Variants in GRM7 observed in about 807,000 individuals in gnomAD.
GRM7 encodes the protein glutamate metabotropic receptor 7.
Under a neutral mutation model 84.5 loss-of-function variants are expected in GRM7, and 35 were observed. The ratio of observed to expected loss-of-function variants is 0.41; its 90% CI spans 0.32 to 0.55. The LOEUF (loss-of-function observed/expected upper bound fraction) is 0.55. Among genes scored for constraint, GRM7 ranks in the 20% least tolerant of loss-of-function variants. The pLI is 0.19. For missense variants in GRM7, 1,003 were observed against 1,194.6 expected (o/e 0.84, Z 2.36); for synonymous variants, 487 against 455.1 (o/e 1.07, Z -0.89).
chr3:6,994,944 A>C (rs1308549459), intron 1 of GRM7, among the ~76,000 whole-genome samples: 1 of 152,172 alleles, frequency 6.6e-6, no homozygotes, highest in African/African-American at 2.4e-5. Flanking sequence ...CTACACTTTC[A>C]CATCATAGGT....
intron 1 of GRM7, among the ~76,000 whole-genome samples, chr3:7,079,933 G>A (rs1291866129): frequency 6.6e-6 from 1 of 152,064 alleles, no homozygotes; most frequent in East Asian, 1.9e-4. Flanking sequence ...TTTCTAGCTG[G>A]AAATTCTGAT....
In GRM7 at chr3:7,296,895, C is replaced by G. The variant is rs1699834951; in HGVS notation, c.737-1789C>G. 2.0e-5 allele frequency among the ~76,000 whole-genome samples: 3 copies of G among 151,278 alleles called. No individual in the cohort carries two copies. In the South Asian group the frequency reaches 6.2e-4, roughly 31 times the overall value. Reference sequence around the variant, plus strand: ...AACTCGTGGGCTTAAGTGACTCTCCCTCCTCAGTCTCTTGAGTAATGGATC... The same window carrying G: ...AACTCGTGGGCTTAAGTGACTCTCCGTCCTCAGTCTCTTGAGTAATGGATC... On this transcript the variant is annotated intron_variant, in intron 2 of 9. Coordinates refer to ENST00000357716, the MANE Select transcript of GRM7 (RefSeq NM_000844.4).
intron 8 of GRM7, among the ~76,000 whole-genome samples, chr3:7,595,369 AT>A (rs771319982): frequency 6.6e-6 from 1 of 152,154 alleles, no homozygotes; most frequent in Non-Finnish European, 1.5e-5. Context: ...AGCAAACATA[AT>A]TGGTTAAACT....
chr3:7,439,605 A>G (rs373066708), intron 5 of GRM7, among the ~76,000 whole-genome samples: 1 of 152,326 alleles, frequency 6.6e-6, no homozygotes, highest in African/African-American at 2.4e-5. Context: ...CAAGACATAC[A>G]GGGGTTAGGA....
chr3:7,468,297 C>T (rs779714), intron 7 of GRM7, among the ~76,000 whole-genome samples: 124,804 of 152,156 alleles, frequency 0.82, 51,360 homozygotes, highest in East Asian at 0.91. Flanking sequence ...AACCACCTTT[C>T]TGCCCATCAT....
intron 7 of GRM7, among the ~76,000 whole-genome samples, chr3:7,566,103 G>GTTTTTTTTTTGTTTTTT (rs1694246455): frequency 7.7e-6 from 1 of 129,986 alleles, no homozygotes; most frequent in African/African-American, 3.0e-5. Flanking sequence ...TGAATCAGCT[G>GTTTTTTTTTTGTTTTTT]TTTTTTTTTT....
chr3:7,030,345 G>A (rs1261234420), intron 1 of GRM7, among the ~76,000 whole-genome samples: 2 of 152,148 alleles, frequency 1.3e-5, no homozygotes, highest in Non-Finnish European at 1.5e-5. Context: ...TGGGTTGTGA[G>A]TATTCCAAAG....
At chr3:7,272,833 G>A (rs1234193973) in intron 2 of GRM7, among the ~76,000 whole-genome samples, 1 of 151,206 alleles carries the variant, frequency 6.6e-6, no homozygotes, top group Non-Finnish European at 1.5e-5. Context: ...GCAATGATAT[G>A]TTTTCAATTT....
At chr3:7,195,194 T>C (rs1342316566) in intron 2 of GRM7, among the ~76,000 whole-genome samples, 2 of 152,154 alleles carry the variant, frequency 1.3e-5, no homozygotes, top group East Asian at 1.9e-4. Context: ...AGGCATTGCA[T>C]AGTGAGAAAA....
intron 1 of GRM7, among the ~76,000 whole-genome samples, chr3:6,875,223 CTT>C (rs542219614): frequency 2.1e-5 from 3 of 143,534 alleles, no homozygotes; most frequent in African/African-American, 2.6e-5. Flanking sequence ...TGGTTCTGCA[CTT>C]TTTTTTTTTT....
chr3:7,407,859 A>G (rs73810615), intron 4 of GRM7, among the ~76,000 whole-genome samples: 6,613 of 152,232 alleles, frequency 0.043, 467 homozygotes, highest in African/African-American at 0.14. Flanking sequence ...GTTAAAGTAC[A>G]AAGTTTCTTA....
chr3:7,019,413 C>T (rs1431670136), intron 1 of GRM7, among the ~76,000 whole-genome samples: 1 of 152,152 alleles, frequency 6.6e-6, no homozygotes, highest in Non-Finnish European at 1.5e-5. Context: ...AGAGTATTTT[C>T]ACTGCTATAA....
At chr3:7,543,216 G>A (rs535251734) in intron 7 of GRM7, among the ~76,000 whole-genome samples, 2 of 152,256 alleles carry the variant, frequency 1.3e-5, no homozygotes, top group South Asian at 4.1e-4. Flanking sequence ...ACCACTTACT[G>A]TGTGCCTACT....
intron 2 of GRM7, among the ~76,000 whole-genome samples, chr3:7,258,341 T>A (rs961471453): frequency 2.0e-5 from 3 of 151,968 alleles, no homozygotes; most frequent in African/African-American, 7.3e-5. Flanking sequence ...GAATGGGTGA[T>A]CAAGTTGAGA....
At chr3:7,202,644 T>C (rs2125115004) in intron 2 of GRM7, among the ~76,000 whole-genome samples, 1 of 152,286 alleles carries the variant, frequency 6.6e-6, no homozygotes, top group Non-Finnish European at 1.5e-5. Flanking sequence ...ACAAAATCTT[T>C]AAAAACAAAT....
chr3:6,864,374 C>T (rs562205765), intron 1 of GRM7, among the ~76,000 whole-genome samples: 2 of 152,178 alleles, frequency 1.3e-5, no homozygotes, highest in South Asian at 4.1e-4. Context: ...GCCCTTTTTG[C>T]GTGTGATCTT....
chr3:7,273,527 T>G (rs1246691101), intron 2 of GRM7, among the ~76,000 whole-genome samples: 1 of 152,108 alleles, frequency 6.6e-6, no homozygotes, highest in South Asian at 2.1e-4. Flanking sequence ...TCACATAGAT[T>G]GATACTCTGT....
At chr3:7,675,962 CAG>C (rs997667310) in intron 8 of GRM7, among the ~76,000 whole-genome samples, 1 of 151,912 alleles carries the variant, frequency 6.6e-6, no homozygotes, top group Non-Finnish European at 1.5e-5. Context: ...AACTGAAAGA[CAG>C]AGAGAATAGT....
chr3:7,262,446 A>G (rs768376952), intron 2 of GRM7, among the ~76,000 whole-genome samples: 2 of 152,112 alleles, frequency 1.3e-5, no homozygotes, highest in Non-Finnish European at 2.9e-5. Flanking sequence ...TTTCAGCTCT[A>G]TCAGGTCAGT....
Sources: allele counts gnomAD v4.1 joint callset (sites outside exome capture counted in the v4.1 genomes callset), GRCh38; gene constraint gnomAD v4.1.1; transcripts MANE v1.5; gene names NCBI Gene and HGNC (gene_info 2026-07-23, HGNC 2026-07-21).